Variants in ARHGAP24 observed in about 807,000 individuals in gnomAD.
The protein encoded by ARHGAP24 is rho GTPase-activating protein 24.
Under a neutral mutation model 76.4 loss-of-function variants are expected in ARHGAP24, and 50 were observed. That is an observed-to-expected ratio of 0.65 (90% confidence interval 0.52 to 0.83). The LOEUF (loss-of-function observed/expected upper bound fraction) is 0.83. ARHGAP24 is among the 40% of genes least tolerant of loss of function. The pLI, the probability that ARHGAP24 is intolerant of heterozygous loss-of-function variation, is 0.00. For synonymous variants in ARHGAP24, 345 were observed against 323.3 expected (o/e 1.07, Z -0.72); for missense variants, 930 against 914.2 (o/e 1.02, Z -0.22).
chr4:85,519,369 C>A (rs1368448273), intron 1 of ARHGAP24, among the ~76,000 whole-genome samples: 1 of 152,132 alleles, frequency 6.6e-6, no homozygotes, highest in South Asian at 2.1e-4. Flanking sequence ...TCCTTCCCAA[C>A]ATTGATTTTG....
chr4:85,967,733 G>A (rs570978292), intron 5 of ARHGAP24, among the ~76,000 whole-genome samples: 19 of 152,298 alleles, frequency 1.2e-4, no homozygotes, highest in African/African-American at 4.6e-4. Flanking sequence ...CTGAGTGAAA[G>A]GGACTTGAGT....
At chr4:85,557,263 G>C (rs756604233) in intron 1 of ARHGAP24, among the ~76,000 whole-genome samples, 1 of 151,884 alleles carries the variant, frequency 6.6e-6, no homozygotes, top group Non-Finnish European at 1.5e-5. Flanking sequence ...CTGTGGATTT[G>C]GTTCCTTTCC....
At chr4:85,632,550 A>G (rs1027168039) in intron 2 of ARHGAP24, among the ~76,000 whole-genome samples, 2 of 150,286 alleles carry the variant, frequency 1.3e-5, no homozygotes, top group African/African-American at 2.5e-5. Flanking sequence ...TAAAGGTAAT[A>G]TAAAAGAAAA....
At position 85,887,020 on chromosome 4, in the gene ARHGAP24, G is replaced by C. The variant is rs146785398; in HGVS notation, c.269-36628G>C. ...TGACTAGCTTTGGTACCATTTTTAA[G>C]AGATTTACCTAAATAGTTACGATAT... On this transcript the variant is annotated intron_variant, in intron 3 of 9. Coordinates refer to ENST00000395184, the MANE Select transcript of ARHGAP24 (RefSeq NM_001025616.3). 1.6e-3 allele frequency among the ~76,000 whole-genome samples: 242 copies of C among 152,126 alleles called. 2 individuals carry two copies. The highest frequency in any genetic ancestry group is 5.6e-3 in the African/African-American group (233 of 41,524).
Position 86,000,780 on chromosome 4 carries a change from G to C in ARHGAP24, c.*58G>C. The C allele has an allele frequency of 6.2e-7, 1 of 1,610,228 alleles. No individual in the cohort carries two copies. Among genetic ancestry groups the C allele is most frequent in the Admixed American group, 1.7e-5 (1 of 59,780 alleles). Reference sequence around the variant, plus strand: ...GGCAAGGACTCCAGGGATTCTGGTGGGATATGACTTAGAACCAGGTGGCTG... The same window carrying C: ...GGCAAGGACTCCAGGGATTCTGGTGCGATATGACTTAGAACCAGGTGGCTG... On this transcript the variant is annotated 3_prime_UTR_variant, in exon 10 of 10. Coordinates refer to ENST00000395184, the MANE Select transcript of ARHGAP24 (RefSeq NM_001025616.3).
intron 3 of ARHGAP24, among the ~76,000 whole-genome samples, chr4:85,868,257 G>A (rs1289476264): frequency 2.6e-5 from 4 of 152,198 alleles, no homozygotes; most frequent in East Asian, 1.9e-4. Flanking sequence ...GGAGTGTCTG[G>A]GTTAAGGTAA....
intron 2 of ARHGAP24, among the ~76,000 whole-genome samples, chr4:85,662,694 A>T (rs1023891923): frequency 6.6e-6 from 1 of 152,066 alleles, no homozygotes; most frequent in Admixed American, 6.5e-5. Context: ...TAATTTTTGT[A>T]TAAGGTGTAA....
At chr4:85,691,993 C>A (rs1031171834) in intron 2 of ARHGAP24, among the ~76,000 whole-genome samples, 1 of 152,156 alleles carries the variant, frequency 6.6e-6, no homozygotes, top group African/African-American at 2.4e-5. Context: ...ATTTAGCATT[C>A]TCTTAAGGAC....
intron 3 of ARHGAP24, among the ~76,000 whole-genome samples, chr4:85,860,075 C>G (rs910682731): frequency 6.6e-6 from 1 of 152,078 alleles, no homozygotes; most frequent in Non-Finnish European, 1.5e-5. Context: ...TGCAGATGCT[C>G]ACGTCCAGTG....
chr4:85,661,033 G>C (rs1158096547), intron 2 of ARHGAP24, among the ~76,000 whole-genome samples: 2 of 152,080 alleles, frequency 1.3e-5, no homozygotes, highest in African/African-American at 2.4e-5. Flanking sequence ...TCTAAATTCA[G>C]ACATTTGACC....
chr4:85,856,307 A>G (rs1039782058), intron 3 of ARHGAP24, among the ~76,000 whole-genome samples: 4 of 152,270 alleles, frequency 2.6e-5, no homozygotes, highest in African/African-American at 4.8e-5. Context: ...TTTGGTAAAA[A>G]AAAATTATGT....
intron 4 of ARHGAP24, among the ~76,000 whole-genome samples, chr4:85,933,195 G>A (rs1578403885): frequency 6.6e-6 from 1 of 152,128 alleles, no homozygotes; most frequent in Non-Finnish European, 1.5e-5. Context: ...ATGCAATAAG[G>A]AGAATGTGTG....
intron 3 of ARHGAP24, among the ~76,000 whole-genome samples, chr4:85,747,522 T>C (rs186674530): frequency 7.2e-5 from 11 of 152,202 alleles, no homozygotes; most frequent in Admixed American, 4.6e-4. Context: ...GCTAACGCGG[T>C]GAAACCCCGT....
intron 3 of ARHGAP24, among the ~76,000 whole-genome samples, chr4:85,815,717 C>CCT (rs1729208250): frequency 6.6e-6 from 1 of 152,214 alleles, no homozygotes; most frequent in Non-Finnish European, 1.5e-5. Flanking sequence ...ACTGTTCCAG[C>CCT]CTCTGCCTGT....
intron 1 of ARHGAP24, among the ~76,000 whole-genome samples, chr4:85,560,693 A>G (rs1016899696): frequency 1.3e-5 from 2 of 152,102 alleles, no homozygotes; most frequent in African/African-American, 4.8e-5. Context: ...TTTCATGGTT[A>G]TACTTTTCAT....
At chr4:85,746,415 A>G (rs1469397774) in intron 3 of ARHGAP24, among the ~76,000 whole-genome samples, 1 of 152,198 alleles carries the variant, frequency 6.6e-6, no homozygotes, top group African/African-American at 2.4e-5. Flanking sequence ...AGCAAACCTC[A>G]AAATAACCAA....
Position 85,995,782 on chromosome 4 carries a change from A to G in ARHGAP24, c.2003+125A>G, listed in dbSNP as rs553984784. On this transcript the variant is annotated intron_variant, in intron 9 of 9. Coordinates refer to ENST00000395184, the MANE Select transcript of ARHGAP24 (RefSeq NM_001025616.3). ...CAAAGAAACACAAGTTTGCTCCATC[A>G]TTTATGAGCTTTGTGACTGTGTGCA... 12 of 937,374 alleles carry G rather than the reference A, an allele frequency of 1.3e-5. No individual in the cohort carries two copies. In the South Asian group the frequency reaches 1.7e-4, roughly 13 times the overall value. 58.1% of individuals were successfully genotyped at this position (937,374 alleles called of 1,614,324 possible). A position where few individuals can be genotyped will look rare whatever the true frequency, so the allele number is the denominator to read the frequency against.
rs754111521 is a variant in ARHGAP24, at chr4:85,916,916, TTTA to T, written c.269-6721_269-6719del. Among the ~76,000 whole-genome samples, 29 of 152,294 alleles carry T rather than the reference TTTA, an allele frequency of 1.9e-4. 1 individual carries two copies. The highest frequency in any genetic ancestry group is 1.2e-3 in the East Asian group (6 of 5,190). ...GAAAGACATCACTTCTTTTTTTTAT[TTTA>T]TTATTATTATACTTTAAGTTTTAGG... On this transcript the variant is annotated intron_variant, in intron 3 of 9. Transcript: ENST00000395184.
chr4:85,641,647 G>T (rs950804278), intron 2 of ARHGAP24, among the ~76,000 whole-genome samples: 2 of 152,220 alleles, frequency 1.3e-5, no homozygotes, highest in East Asian at 1.9e-4. Context: ...TCAAGCTGGG[G>T]TTCCCCCAAA....
Sources: allele counts gnomAD v4.1 joint callset (sites outside exome capture counted in the v4.1 genomes callset), GRCh38; gene constraint gnomAD v4.1.1; transcripts MANE v1.5; gene names NCBI Gene and HGNC (gene_info 2026-07-23, HGNC 2026-07-21).